SLC6A18: variants seen among roughly 807,000 people sequenced by gnomAD.
SLC6A18 encodes solute carrier family 6 member 18.
Under a neutral mutation model 62.9 loss-of-function variants are expected in SLC6A18, and 58 were observed. That is an observed-to-expected ratio of 0.92 (90% confidence interval 0.75 to 1.15). SLC6A18 has a LOEUF of 1.15. Among genes scored for constraint, SLC6A18 ranks in the 50% most tolerant of loss-of-function variants. The probability of loss-of-function intolerance (pLI) is 0.00; values close to 1 mark genes in which losing one functional copy is unlikely to be tolerated. For synonymous variants in SLC6A18, 382 were observed against 365.8 expected (o/e 1.04, Z -0.51); for missense variants, 793 against 836.6 (o/e 0.95, Z 0.64).
At position 1,241,977 on chromosome 5, in the gene SLC6A18, A is replaced by G. The variant is rs1209481145; in HGVS notation, c.975-730A>G. On this transcript the variant is annotated intron_variant, in intron 7 of 11. Coordinates refer to ENST00000324642, the MANE Select transcript of SLC6A18 (RefSeq NM_182632.3). This position sits in a 1 kb window ranked among gnomAD's most constrained non-coding sequence, Gnocchi z 7.8. ...TGTTCTAGGAATAGCTGGAGCCCCA[A>G]AAAGGTGTTTGCTGGTATCCATGTG... Among the ~76,000 whole-genome samples the G allele has an allele frequency of 6.6e-6, 1 of 151,460 alleles. No homozygotes were observed. Among genetic ancestry groups the G allele is most frequent in the East Asian group, 2.0e-4 (1 of 5,110 alleles).
Position 1,243,494 on chromosome 5 carries a change from G to C in SLC6A18, c.1132-61G>C. On this transcript the variant is annotated intron_variant, in intron 8 of 11. Coordinates refer to ENST00000324642, the MANE Select transcript of SLC6A18 (RefSeq NM_182632.3). This position sits in a 1 kb window ranked among gnomAD's most constrained non-coding sequence, Gnocchi z 6.5. ...GAGAGTGTGTGTCCTGCAGGCAGGC[G>C]TGTGTGTGTGGTGGAGTGTGTGTGT... 6.6e-7 allele frequency: 1 copy of C among 1,510,756 alleles called. No homozygotes were observed. The highest frequency in any genetic ancestry group is 9.1e-7 in the Non-Finnish European group (1 of 1,101,186). 93.6% of individuals were successfully genotyped at this position (1,510,756 alleles called of 1,614,324 possible). A position where few individuals can be genotyped will look rare whatever the true frequency, so the allele number is the denominator to read the frequency against.
intron 1 of SLC6A18, among the ~76,000 whole-genome samples, chr5:1,229,748 C>CG (rs1235416713): frequency 1.4e-5 from 2 of 137,948 alleles, no homozygotes; most frequent in Non-Finnish European, 3.2e-5. Flanking sequence ...GGCTGGAGGT[C>CG]GGGGGGAAGA....
At position 1,243,455 on chromosome 5, in the gene SLC6A18, T is replaced by C; in HGVS notation, c.1132-100T>C. The C allele has an allele frequency of 7.3e-7, 1 of 1,364,906 alleles. No homozygotes were observed. Among genetic ancestry groups the C allele is most frequent in the Non-Finnish European group, 1.0e-6 (1 of 985,040 alleles). 84.5% of individuals were successfully genotyped at this position (1,364,906 alleles called of 1,614,324 possible). A position where few individuals can be genotyped will look rare whatever the true frequency, so the allele number is the denominator to read the frequency against. On this transcript the variant is annotated intron_variant, in intron 8 of 11. Coordinates refer to ENST00000324642, the MANE Select transcript of SLC6A18 (RefSeq NM_182632.3). This position sits in a 1 kb window ranked among gnomAD's most constrained non-coding sequence, Gnocchi z 6.5. The stretch of plus-strand genomic sequence containing the variant: ...CACCAGGAGGGGTGATGTGCACTCG[T>C]GTCCTCGGCCTGGGAGAGTGTGTGT...
intron 9 of SLC6A18, 22 bp from the exon 10 acceptor site, chr5:1,244,191 AC>A: frequency 3.5e-6 from 1 of 286,118 alleles, no homozygotes; most frequent in Non-Finnish European, 5.8e-6. Context: ...CTTACCCCCC[AC>A]ACCCCTTTCC....
chr5:1,242,910 G>A lies in SLC6A18; in HGVS notation c.1131+47G>A, dbSNP rs184490317. The A allele has an allele frequency of 3.8e-4, 582 of 1,545,330 alleles. 7 individuals carry two copies. The East Asian group carries it at 1.0e-2, about 27-fold the overall frequency. On this transcript the variant is annotated intron_variant, in intron 8 of 11. Transcript: ENST00000324642. Reference sequence around the variant, plus strand: ...TAGCCAGGCAGGGCCGTCCACAGGAGCACCAGGGCCGCACTGGCTGTGTCC... The same window carrying A: ...TAGCCAGGCAGGGCCGTCCACAGGAACACCAGGGCCGCACTGGCTGTGTCC...
intron 4 of SLC6A18, among the ~76,000 whole-genome samples, chr5:1,237,237 T>C (rs1746906499): frequency 1.3e-5 from 1 of 74,640 alleles, no homozygotes; most frequent in Non-Finnish European, 2.3e-5. Flanking sequence ...CAAGACTCTG[T>C]CTCAAAAAAA....
chr5:1,227,344 G>T (rs531247970), intron 1 of SLC6A18, among the ~76,000 whole-genome samples: 1 of 152,324 alleles, frequency 6.6e-6, no homozygotes, highest in Non-Finnish European at 1.5e-5. Context: ...CGCCAGCTGC[G>T]CGGGGACTTC....
At chr5:1,237,836 C>G in intron 4 of SLC6A18, 114 bp from the exon 5 acceptor site, 1 of 786,352 alleles carries the variant, frequency 1.3e-6, no homozygotes, top group South Asian at 1.6e-5. Context: ...AATCCCATAC[C>G]AGAGGCAGCC....
chr5:1,243,778 C>T lies in SLC6A18; in HGVS notation c.1336+19C>T, dbSNP rs748920454. 5.7e-6 allele frequency: 9 copies of T among 1,573,162 alleles called. No individual in the cohort carries two copies. Among genetic ancestry groups the T allele is most frequent in the East Asian group, 2.3e-5 (1 of 44,402 alleles). On this transcript the variant is annotated intron_variant, in intron 9 of 11. Coordinates refer to ENST00000324642, the MANE Select transcript of SLC6A18 (RefSeq NM_182632.3). This position sits in a 1 kb window ranked among gnomAD's most constrained non-coding sequence, Gnocchi z 6.5. ...CTGACTGGTGAGCGCACAGCTCCGC[C>T]GCCCTGGAGGACCCGTCCCCAGCAT...
At chr5:1,245,132 A>T (rs1561181887) in intron 11 of SLC6A18, among the ~76,000 whole-genome samples, 1 of 152,106 alleles carries the variant, frequency 6.6e-6, no homozygotes, top group Non-Finnish European at 1.5e-5. Flanking sequence ...TGGCATGGGG[A>T]CGGGCAGCCG....
intron 1 of SLC6A18, among the ~76,000 whole-genome samples, chr5:1,225,863 G>C: frequency 6.6e-6 from 1 of 152,186 alleles, no homozygotes; most frequent in African/African-American, 2.4e-5. Context: ...GGAGGATCCA[G>C]TCCCCTCGGG....
chr5:1,232,313 C>T lies in SLC6A18; in HGVS notation c.255C>T (p.Gly85=). 7 of 1,612,256 alleles carry T rather than the reference C, an allele frequency of 4.3e-6. No homozygotes were observed. The highest frequency in any genetic ancestry group is 5.9e-6 in the Non-Finnish European group (7 of 1,179,808). Residue 85 remains glycine, a synonymous_variant, in exon 2 of 12, where the codon GGC becomes GGT. Coordinates refer to ENST00000324642, the MANE Select transcript of SLC6A18 (RefSeq NM_182632.3). ...ELAIGQRLRK[G]SVGVWTAISP... ...CCATCGGCCAGCGGCTGCGGAAGGG[C>T]AGCGTCGGCGTGTGGACGGCCATCT... is the stretch of plus-strand genomic sequence containing the variant.
chr5:1,233,026 T>A, intron 3 of SLC6A18, 138 bp downstream of exon 3: 1 of 1,279,976 alleles, frequency 7.8e-7, no homozygotes, highest in Non-Finnish European at 1.1e-6. Flanking sequence ...TTGCTCTGTG[T>A]GCACATGCAC....
At chr5:1,232,487 T>C in intron 2 of SLC6A18, 128 bp downstream of exon 2, 6 of 1,299,408 alleles carry the variant, frequency 4.6e-6, no homozygotes, top group Non-Finnish European at 6.3e-6. Flanking sequence ...GCGGGTGGGG[T>C]GGCAGGGAGC....
Position 1,242,822 on chromosome 5 carries a change from C to G in SLC6A18, c.1090C>G (p.Leu364Val). 6.2e-7 allele frequency: 1 copy of G among 1,613,528 alleles called. No homozygotes were observed. The highest frequency in any genetic ancestry group is 8.5e-7 in the Non-Finnish European group (1 of 1,179,652). Reference sequence around the variant, plus strand: ...CACCTGGCCCAAGAGGGTGGCCCAGCTCCCCCTGAAGGCCTGCCTCCTGGA... The same window carrying G: ...CACCTGGCCCAAGAGGGTGGCCCAGGTCCCCCTGAAGGCCTGCCTCCTGGA... ...NATWPKRVAQ[L>V]PLKACLLEDF... Residue 364 changes from leucine (L) to valine (V), a missense_variant, in exon 8 of 12, where the codon CTC becomes GTC. By Grantham distance (32) the Leu-to-Val change is conservative. Transcript: ENST00000324642.
intron 4 of SLC6A18, 36 bp from the exon 5 acceptor site, chr5:1,237,914 C>T (rs1746925838): frequency 6.6e-7 from 1 of 1,524,848 alleles, no homozygotes. Context: ...GACCAGAGGC[C>T]ATTTCAAGTC....
chr5:1,235,740 T>A, intron 4 of SLC6A18, 78 bp downstream of exon 4: 1 of 1,465,672 alleles, frequency 6.8e-7, no homozygotes, highest in Admixed American at 1.9e-5. Flanking sequence ...CTGTGTTCGC[T>A]TTGTGTCTAC....
chr5:1,234,974 G>A (rs1447135197), intron 3 of SLC6A18, among the ~76,000 whole-genome samples: 2 of 152,244 alleles, frequency 1.3e-5, no homozygotes, highest in Admixed American at 1.3e-4. Flanking sequence ...ACGGGAGCCT[G>A]CTGTTGTCAG....
At chr5:1,238,235 T>TCAGGTTTGGAGTGAGCCTGGGGCCTC (rs1746940113) in intron 5 of SLC6A18, among the ~76,000 whole-genome samples, 175 bp downstream of exon 5, 2 of 84,862 alleles carry the variant, frequency 2.4e-5, no homozygotes, top group Non-Finnish European at 5.5e-5. Context: ...AGGGGGGCCT[T>TCAGGTTTGGAGTGAGCCTGGGGCCTC]AGGAAAGAGG....
Sources: allele counts gnomAD v4.1 joint callset (sites outside exome capture counted in the v4.1 genomes callset), GRCh38; gene constraint gnomAD v4.1.1; non-coding constraint Gnocchi (gnomAD v3.1); transcripts MANE v1.5; gene names NCBI Gene and HGNC (gene_info 2026-07-23, HGNC 2026-07-21).